MTERF4: variants seen among roughly 807,000 people sequenced by gnomAD.
MTERF4 encodes the protein transcription termination factor 4, mitochondrial.
A neutral mutation model predicts 22.5 loss-of-function variants in MTERF4; 17 were observed. The observed-to-expected ratio is 0.75, with a 90% CI of 0.52 to 1.13. The LOEUF (loss-of-function observed/expected upper bound fraction) is 1.13, where lower values mean the gene tolerates loss of function less well. Ranked by LOEUF, MTERF4 falls within the 50% of genes most tolerant of loss-of-function variation. MTERF4 has a pLI of 0.00. For synonymous variants in MTERF4, 165 were observed against 175.3 expected, an observed-to-expected ratio of 0.94 and a Z score of 0.47; for missense variants, 420 against 466.8, an observed-to-expected ratio of 0.90 and a Z score of 0.92.
chr2:241,088,183 G>A (rs1575143249), downstream of MTERF4: 2 of 594,536 alleles, frequency 3.4e-6, no homozygotes, highest in Non-Finnish European at 6.1e-6. Context: ...CTCAAGCCAG[G>A]CGGGCGCACA....
At chr2:241,083,718 C>T (rs571264934), downstream of MTERF4, among the ~76,000 whole-genome samples, 10 of 152,316 alleles carry the variant, frequency 6.6e-5, no homozygotes, top group African/African-American at 2.4e-4. Context: ...CCCTTCACTT[C>T]CTGAAAGCAT....
the MTERF4 span, among the ~76,000 whole-genome samples, chr2:241,050,452 T>C: frequency 6.6e-6 from 1 of 152,102 alleles, no homozygotes; most frequent in Admixed American, 6.5e-5. Flanking sequence ...ATCTCAGTGG[T>C]CAGTGCCCAG....
rs773188025 is a variant in MTERF4 at position 241,095,625 on chromosome 2, G to A, written c.*373C>T. The A allele has an allele frequency of 9.4e-5, 20 of 213,014 alleles. No individual in the cohort carries two copies. Among genetic ancestry groups the A allele is most frequent in the Admixed American group, 4.6e-4 (9 of 19,508 alleles). 13.2% of individuals were successfully genotyped at this position (213,014 alleles called of 1,614,324 possible). A position where few individuals can be genotyped will look rare whatever the true frequency, so the allele number is the denominator to read the frequency against. ...AAGAAGGAAATACATAGTGATTCCT[G>A]AACCGGAAGAATGAACCCCATCTTC... On this transcript the variant is annotated 3_prime_UTR_variant, in exon 4 of 4. Coordinates refer to ENST00000391980, the MANE Select transcript of MTERF4 (RefSeq NM_182501.4).
the MTERF4 span, among the ~76,000 whole-genome samples, chr2:241,061,113 A>C: frequency 6.6e-6 from 1 of 152,328 alleles, no homozygotes; most frequent in African/African-American, 2.4e-5. Context: ...GTGAAATCTA[A>C]ACTACAAACT....
Position 241,073,637 on chromosome 2 carries a change from T to C in MTERF4, n.2525A>G. 1 of 506,420 alleles carries C rather than the reference T, an allele frequency of 2.0e-6. No homozygotes were observed. The highest frequency in any genetic ancestry group is 3.5e-6 in the Non-Finnish European group (1 of 285,276). 31.4% of individuals were successfully genotyped at this position (506,420 alleles called of 1,614,324 possible). ...TAGAGAGACTGGCTTTGATGCTGCC[T>C]CCCCTCCCCTCTCCTCCTTCGCCTC... On this transcript the variant is annotated non_coding_transcript_exon_variant, in exon 5 of 5. Transcript: ENST00000464344. The surrounding 1 kb of genome is among the most constrained non-coding windows in gnomAD (Gnocchi z 6.6).
At position 241,096,016 on chromosome 2, in the gene MTERF4, G is replaced by GTCC; in HGVS notation, c.1125_1127dup (p.Glu375dup). The GTCC allele has an allele frequency of 6.2e-7, 1 of 1,613,670 alleles. No individual in the cohort carries two copies. Among genetic ancestry groups the GTCC allele is most frequent in the East Asian group, 2.2e-5 (1 of 44,874 alleles). ...ATCACAGCTATTCCTCCTCGTCGTCGTCCTCATCCTCATCATTGTCCTCCG... is the reference window on the plus strand; with the variant it reads ...ATCACAGCTATTCCTCCTCGTCGTCGTCCTCCTCATCCTCATCATTGTCCTCCG... On this transcript the variant is annotated inframe_insertion, in exon 4 of 4. Coordinates refer to ENST00000391980, the MANE Select transcript of MTERF4 (RefSeq NM_182501.4). The surrounding 1 kb of genome is among the most constrained non-coding windows in gnomAD (Gnocchi z 5.1).
downstream of MTERF4, among the ~76,000 whole-genome samples, chr2:241,090,824 G>A (rs968118009): frequency 6.7e-6 from 1 of 149,418 alleles, no homozygotes; most frequent in African/African-American, 2.5e-5. Context: ...CTGAGATTGC[G>A]CCACTATACT....
the MTERF4 span, chr2:241,053,241 T>C: frequency 4.4e-6 from 7 of 1,608,432 alleles, no homozygotes; most frequent in Admixed American, 1.2e-4. Context: ...TGTATGCATG[T>C]GACCGTGGCT....
At chr2:241,089,460 A>C (rs989831712), downstream of MTERF4, 3 of 1,537,632 alleles carry the variant, frequency 2.0e-6, no homozygotes, top group African/African-American at 4.1e-5. Context: ...CACCAAAGGA[A>C]GAGTGTCCAC....
the MTERF4 span, among the ~76,000 whole-genome samples, chr2:241,058,612 T>C: frequency 6.6e-6 from 1 of 152,134 alleles, no homozygotes; most frequent in East Asian, 1.9e-4. Flanking sequence ...AAAAGACAGA[T>C]ACAGAGAAAG....
chr2:241,050,097 C>T, the MTERF4 span: 4 of 690,106 alleles, frequency 5.8e-6, no homozygotes, highest in South Asian at 6.3e-5. Context: ...GAGGTGAGCA[C>T]CTCACTGTTT....
In MTERF4 at chr2:241,097,179, G is replaced by A. The variant is rs755381748; in HGVS notation, c.705+64C>T. The A allele has an allele frequency of 2.5e-5, 40 of 1,569,626 alleles. No homozygotes were observed. In the East Asian group the frequency reaches 6.5e-4, roughly 26 times the overall value. On this transcript the variant is annotated intron_variant, in intron 3 of 3. Transcript: ENST00000391980. Reference sequence around the variant, plus strand: ...ACCAGTCATTCTCACCTGAAACTACGCTAATCCCATTACCAGTCATTCTCA... The same window carrying A: ...ACCAGTCATTCTCACCTGAAACTACACTAATCCCATTACCAGTCATTCTCA...
At chr2:241,057,315 G>A in the MTERF4 span, among the ~76,000 whole-genome samples, 1 of 149,794 alleles carries the variant, frequency 6.7e-6, no homozygotes, top group Non-Finnish European at 1.5e-5. Flanking sequence ...GGAGGCGGAG[G>A]TTGCAATGAG....
Position 241,073,252 on chromosome 2 carries a change from C to T in MTERF4, n.2910G>A. ...AGCAGCTGCGCCGTGTGGTCACCGC[C>T]TGGCTTCTCCTAGAACCCACAGCCT... On this transcript the variant is annotated non_coding_transcript_exon_variant, in exon 5 of 5. Transcript: ENST00000464344. The surrounding 1 kb of genome is among the most constrained non-coding windows in gnomAD (Gnocchi z 6.6). 6.5e-7 allele frequency: 1 copy of T among 1,547,646 alleles called. No individual in the cohort carries two copies. The highest frequency in any genetic ancestry group is 8.7e-7 in the Non-Finnish European group (1 of 1,143,744).
At chr2:241,101,204 A>G (rs1307254023) in intron 1 of MTERF4, 2 of 466,476 alleles carry the variant, frequency 4.3e-6, no homozygotes, top group African/African-American at 4.0e-5. Flanking sequence ...TTGTTTTCCT[A>G]CAACCAGGAG....
At chr2:241,043,581 A>G in the MTERF4 span, among the ~76,000 whole-genome samples, 2 of 152,236 alleles carry the variant, frequency 1.3e-5, no homozygotes, top group Non-Finnish European at 2.9e-5. Flanking sequence ...CAAAAGAATG[A>G]AGAGTGTTAA....
chr2:241,064,851 C>T, the MTERF4 span: 1 of 1,586,672 alleles, frequency 6.3e-7, no homozygotes, highest in Non-Finnish European at 8.5e-7. The surrounding 1 kb of genome is among the most constrained non-coding windows in gnomAD (Gnocchi z 7.0). Context: ...CAGTGAGTGA[C>T]CCCTGCTTCT....
the MTERF4 span, among the ~76,000 whole-genome samples, chr2:241,065,843 G>T: frequency 3.9e-5 from 6 of 151,926 alleles, no homozygotes; most frequent in African/African-American, 1.4e-4. Flanking sequence ...AGTGGGAGCA[G>T]CACAACCCCC....
At chr2:241,068,009 CG>C, downstream of MTERF4, 2 of 1,461,994 alleles carry the variant, frequency 1.4e-6, no homozygotes, top group Non-Finnish European at 1.9e-6. The surrounding 1 kb of genome is among the most constrained non-coding windows in gnomAD (Gnocchi z 5.3). Flanking sequence ...CTCGGGGACA[CG>C]GGGCCCAGGT....
Sources: gnomAD v4.1 joint callset for allele counts (sites outside exome capture counted in the v4.1 genomes callset) on GRCh38, gnomAD v4.1.1 for gene constraint, Gnocchi (gnomAD v3.1) non-coding constraint, MANE v1.5 for transcripts, NCBI Gene and HGNC (gene_info 2026-07-23, HGNC 2026-07-21) for gene names.